The following MALRD1 variants were observed in gnomAD, a reference collection of about 807,000 sequenced individuals.
MALRD1 encodes MAM and LDL receptor class A domain containing 1.
Under a neutral mutation model 242.1 loss-of-function variants are expected in MALRD1, and 247 were observed. The observed-to-expected ratio is 1.02, with a 90% CI of 0.92 to 1.13. MALRD1 has a LOEUF of 1.13. Ranked by LOEUF, MALRD1 falls within the 50% of genes most tolerant of loss-of-function variation. The pLI is 0.00. For missense variants in MALRD1, 2,989 were observed against 2,533.1 expected (o/e 1.18, Z -3.86); for synonymous variants, 995 against 866.6 (o/e 1.15, Z -2.60).
At chr10:19,411,897 T>G (rs915668438) in intron 28 of MALRD1, among the ~76,000 whole-genome samples, 5 of 152,230 alleles carry the variant, frequency 3.3e-5, no homozygotes, top group Admixed American at 2.6e-4. Flanking sequence ...TGTAAGCTGT[T>G]AAAAAATTAA....
intron 31 of MALRD1, among the ~76,000 whole-genome samples, chr10:19,526,250 A>G (rs534807630): frequency 6.6e-6 from 1 of 152,130 alleles, no homozygotes; most frequent in South Asian, 2.1e-4. Flanking sequence ...GTATAATTCA[A>G]TGTAAGGTGT....
chr10:19,509,679 C>T lies in MALRD1; in HGVS notation c.5320+11033C>T, dbSNP rs182557422. Among the ~76,000 whole-genome samples, 518 of 152,178 alleles carry T rather than the reference C, an allele frequency of 3.4e-3. 3 individuals carry two copies. The highest frequency in any genetic ancestry group is 0.012 in the African/African-American group (484 of 41,498). ...TCTCTTTGTGTTTTTGTTGTTCAAA[C>T]CAAAGTGAGACCATTTGATACACAG... On this transcript the variant is annotated intron_variant, in intron 31 of 39. Coordinates refer to ENST00000454679, the MANE Select transcript of MALRD1 (RefSeq NM_001142308.3).
intron 15 of MALRD1, 134 bp from the exon 16 acceptor site, chr10:19,204,174 C>G (rs936418155): frequency 4.4e-6 from 3 of 680,994 alleles, no homozygotes; most frequent in Admixed American, 5.9e-5. Context: ...GACTAAGAGT[C>G]ACTGATTGAT....
intron 18 of MALRD1, among the ~76,000 whole-genome samples, chr10:19,217,023 G>A (rs780800411): frequency 1.3e-5 from 2 of 151,988 alleles, no homozygotes; most frequent in East Asian, 3.9e-4. Flanking sequence ...TTATATACAC[G>A]TTCTTTCTTC....
intron 29 of MALRD1, among the ~76,000 whole-genome samples, chr10:19,485,969 TTATGA>T (rs555577568): frequency 5.5e-4 from 83 of 152,196 alleles, no homozygotes; most frequent in African/African-American, 1.9e-3. Context: ...GACAAAATAT[TTATGA>T]TATGATAAAT....
chr10:19,386,081 C>G (rs774246863), intron 26 of MALRD1, among the ~76,000 whole-genome samples: 1 of 152,106 alleles, frequency 6.6e-6, no homozygotes, highest in Non-Finnish European at 1.5e-5. Context: ...TGCCAGAAGC[C>G]TTCATAATAC....
intron 36 of MALRD1, among the ~76,000 whole-genome samples, chr10:19,681,003 T>C (rs1161041455): frequency 6.6e-6 from 1 of 152,214 alleles, no homozygotes; most frequent in East Asian, 1.9e-4. Context: ...GGGTTTCTGC[T>C]GAGAGGTCTG....
At chr10:19,171,645 CACATAT>C (rs72319676) in intron 13 of MALRD1, among the ~76,000 whole-genome samples, 24 of 114,908 alleles carry the variant, frequency 2.1e-4, no homozygotes, top group East Asian at 6.3e-4. Flanking sequence ...AATACACACA[CACATAT>C]ATATGTCTAT....
intron 29 of MALRD1, among the ~76,000 whole-genome samples, chr10:19,469,697 T>A (rs532798393): frequency 5.4e-4 from 82 of 152,238 alleles, no homozygotes; most frequent in African/African-American, 1.5e-3. Context: ...CCTGCAGGTG[T>A]TTGAACTGGG....
intron 36 of MALRD1, among the ~76,000 whole-genome samples, chr10:19,642,552 G>GA (rs565475236): frequency 6.6e-6 from 1 of 152,090 alleles, no homozygotes; most frequent in Non-Finnish European, 1.5e-5. Flanking sequence ...ATCACAGGGG[G>GA]AAAAATATCA....
chr10:19,592,632 C>T (rs139768439), intron 33 of MALRD1, among the ~76,000 whole-genome samples: 5 of 152,064 alleles, frequency 3.3e-5, no homozygotes, highest in African/African-American at 1.2e-4. Flanking sequence ...GTTCTGAGTG[C>T]CATTCAGTAA....
intron 5 of MALRD1, among the ~76,000 whole-genome samples, chr10:19,112,177 C>T (rs1273836292): frequency 6.8e-6 from 1 of 146,794 alleles, no homozygotes; most frequent in Admixed American, 6.9e-5. Context: ...TTTATGAAGC[C>T]AGTAGAGCTC....
chr10:19,176,535 C>A (rs1006827764), intron 14 of MALRD1, among the ~76,000 whole-genome samples: 6 of 149,032 alleles, frequency 4.0e-5, no homozygotes. Flanking sequence ...CCACCGCGCC[C>A]GGCTAATTTT....
intron 38 of MALRD1, among the ~76,000 whole-genome samples, chr10:19,702,562 G>A (rs183111486): frequency 1.3e-5 from 2 of 152,210 alleles, no homozygotes; most frequent in East Asian, 1.9e-4. Flanking sequence ...TATGATTGCC[G>A]AAGATTATCT....
chr10:19,721,624 A>G (rs1589443480), intron 38 of MALRD1: 2 of 152,360 alleles, frequency 1.3e-5, no homozygotes, highest in Middle Eastern at 6.8e-3. Context: ...TAGATGTTCC[A>G]TACCCCTCAT....
intron 33 of MALRD1, among the ~76,000 whole-genome samples, chr10:19,580,030 C>A (rs943393297): frequency 1.3e-5 from 2 of 152,136 alleles, no homozygotes; most frequent in East Asian, 3.8e-4. Context: ...ATATGTCAGA[C>A]TGGGAACTAT....
intron 38 of MALRD1, among the ~76,000 whole-genome samples, chr10:19,698,040 G>A (rs1833457194): frequency 6.6e-6 from 1 of 152,098 alleles, no homozygotes; most frequent in Non-Finnish European, 1.5e-5. Context: ...AGATCTCTCT[G>A]TTACTGAAAT....
chr10:19,389,563 A>G lies in MALRD1; in HGVS notation c.4799A>G (p.Tyr1600Cys). ...GCAGCCTGCACCATGAGCTTCTGGT[A>G]TTTCGTATCTGCAAAGGCCACAGGA... ...SSAACTMSFW[Y>C]FVSAKATGSI... is the part of the protein sequence containing the mutation. The change falls in exon 28 of 40, where the codon TAT becomes TGT. Residue 1600 changes from tyrosine (Y) to cysteine (C), a missense_variant. Transcript: ENST00000454679. The G allele has an allele frequency of 1.3e-6, 2 of 1,550,676 alleles. No individual in the cohort carries two copies. Among genetic ancestry groups the G allele is most frequent in the Non-Finnish European group, 1.7e-6 (2 of 1,146,966 alleles).
Position 19,689,516 on chromosome 10 carries a change from T to A in MALRD1, c.6138-2766T>A, listed in dbSNP as rs572559203. ...TCCCTTTTGGATTTGAGGCAAATGA[T>A]GGATAAAGTAAAGTAATATTGGATA... is the stretch of plus-strand genomic sequence containing the variant. On this transcript the variant is annotated intron_variant, in intron 36 of 39. Transcript: ENST00000454679. 2.8e-4 allele frequency among the ~76,000 whole-genome samples: 42 copies of A among 152,220 alleles called. No individual in the cohort carries two copies. The South Asian group carries it at 8.3e-3, about 30-fold the overall frequency.
Sources: allele counts gnomAD v4.1 joint callset (sites outside exome capture counted in the v4.1 genomes callset), GRCh38; gene constraint gnomAD v4.1.1; transcripts MANE v1.5; gene names NCBI Gene and HGNC (gene_info 2026-07-23, HGNC 2026-07-21).